The following FRMD4A variants were observed in gnomAD, a reference collection of about 807,000 sequenced individuals.
The protein encoded by FRMD4A is FERM domain containing 4A.
Under a neutral mutation model 129.1 loss-of-function variants are expected in FRMD4A, and 29 were observed. That is an observed-to-expected ratio of 0.22 (90% confidence interval 0.17 to 0.31). The LOEUF (loss-of-function observed/expected upper bound fraction) is 0.31. Among genes scored for constraint, FRMD4A ranks in the 10% least tolerant of loss-of-function variants. The pLI is 1.00. For synonymous variants in FRMD4A, 634 were observed against 571.6 expected (o/e 1.11, Z -1.56); for missense variants, 1,272 against 1,375.8 (o/e 0.92, Z 1.19).
chr10:13,767,967 G>A (rs1228610732), intron 6 of FRMD4A, among the ~76,000 whole-genome samples: 1 of 152,134 alleles, frequency 6.6e-6, no homozygotes, highest in East Asian at 1.9e-4. Context: ...GGTGACTGTG[G>A]CCACTGGGTG....
chr10:13,771,644 C>G (rs1220690724), intron 6 of FRMD4A, among the ~76,000 whole-genome samples: 2 of 152,164 alleles, frequency 1.3e-5, no homozygotes, highest in South Asian at 4.1e-4. Context: ...AATGCTGGTA[C>G]CAACTTCTCC....
chr10:13,717,345 G>C (rs1336131845), intron 12 of FRMD4A, among the ~76,000 whole-genome samples: 1 of 152,056 alleles, frequency 6.6e-6, no homozygotes, highest in African/African-American at 2.4e-5. Flanking sequence ...ATGGAGTCTT[G>C]CTCTGTTGCC....
intron 2 of FRMD4A, chr10:14,008,051 G>A (rs2095668210): frequency 4.6e-6 from 6 of 1,299,906 alleles, no homozygotes; most frequent in South Asian, 2.5e-5. Context: ...AACCCGCCAC[G>A]TAGCTTACCC....
chr10:14,182,800 G>A (rs1841956294), intron 2 of FRMD4A, among the ~76,000 whole-genome samples: 2 of 152,188 alleles, frequency 1.3e-5, no homozygotes, highest in South Asian at 4.1e-4. Flanking sequence ...AAGGATTAGA[G>A]GTAACAATCA....
At chr10:14,125,535 A>G (rs1268496005) in intron 2 of FRMD4A, among the ~76,000 whole-genome samples, 2 of 152,200 alleles carry the variant, frequency 1.3e-5, no homozygotes, top group Non-Finnish European at 2.9e-5. Flanking sequence ...AAGAAGAGGA[A>G]CAATCTGGGT....
At position 13,645,927 on chromosome 10, in the gene FRMD4A, A is replaced by C. The variant is rs867315868; in HGVS notation, c.*1111T>G. 1 of 152,620 alleles carries C rather than the reference A, an allele frequency of 6.6e-6. No individual in the cohort carries two copies. The highest frequency in any genetic ancestry group is 2.4e-5 in the African/African-American group (1 of 41,450). The allele number at this position is 152,620 out of a possible 1,614,324, so 9.5% of individuals were successfully genotyped here. A position where few individuals can be genotyped will look rare whatever the true frequency, so the allele number is the denominator to read the frequency against. ...AGGATACGCTTTTACTGGTTGGTTT[A>C]ATGAGAGAGAACCACTTTTGGCCAT... is the stretch of plus-strand genomic sequence containing the variant. On this transcript the variant is annotated 3_prime_UTR_variant, in exon 25 of 25. Coordinates refer to ENST00000357447, the MANE Select transcript of FRMD4A (RefSeq NM_018027.5).
intron 12 of FRMD4A, among the ~76,000 whole-genome samples, chr10:13,715,905 C>A (rs1167161623): frequency 5.7e-4 from 71 of 125,438 alleles, no homozygotes; most frequent in South Asian, 1.3e-3. Flanking sequence ...ACTCCCCCCT[C>A]AAAAAAAAAA....
chr10:13,769,568 C>T (rs2092393403), intron 6 of FRMD4A, among the ~76,000 whole-genome samples: 2 of 151,970 alleles, frequency 1.3e-5, no homozygotes, highest in South Asian at 2.1e-4. Flanking sequence ...CCTCGGCCTC[C>T]CAAAGTGCTG....
At position 14,304,788 on chromosome 10, in the gene FRMD4A, T is replaced by G. The variant is rs561827211; in HGVS notation, c.45+25270A>C. Among the ~76,000 whole-genome samples, 3 of 152,232 alleles carry G rather than the reference T, an allele frequency of 2.0e-5. No individual in the cohort carries two copies. In the East Asian group the frequency reaches 5.8e-4, roughly 29 times the overall value. The stretch of plus-strand genomic sequence containing the variant: ...CATATTACAAATGCCAAATCAGAAG[T>G]GCTGGAGAATGAATGGCCCCAGAAC... On this transcript the variant is annotated intron_variant, in intron 2 of 24. Transcript: ENST00000357447.
chr10:14,109,102 C>T (rs921240206), intron 2 of FRMD4A, among the ~76,000 whole-genome samples: 1 of 151,708 alleles, frequency 6.6e-6, no homozygotes, highest in African/African-American at 2.4e-5. Flanking sequence ...GTTGAAGAGC[C>T]CAAGAGATTC....
At chr10:13,891,685 C>A (rs1044521438) in intron 2 of FRMD4A, 42 of 985,130 alleles carry the variant, frequency 4.3e-5, no homozygotes, top group Non-Finnish European at 9.6e-6. Context: ...GCTGGTACCC[C>A]GGAACGGGCG....
At chr10:14,277,050 A>C (rs1449034196) in intron 2 of FRMD4A, among the ~76,000 whole-genome samples, 1 of 152,108 alleles carries the variant, frequency 6.6e-6, no homozygotes. Flanking sequence ...TATTTTGTAG[A>C]GACGGGGTTT....
chr10:13,937,274 A>G (rs894048921), intron 2 of FRMD4A, among the ~76,000 whole-genome samples: 1 of 152,234 alleles, frequency 6.6e-6, no homozygotes, highest in Non-Finnish European at 1.5e-5. Context: ...CTCTCTGATT[A>G]CAGTGGTGCT....
intron 3 of FRMD4A, among the ~76,000 whole-genome samples, chr10:13,840,436 A>T (rs2093944775): frequency 6.6e-6 from 1 of 152,178 alleles, no homozygotes; most frequent in Admixed American, 6.5e-5. Context: ...TGTTTAAGCC[A>T]CCCAGTCTAT....
chr10:14,243,034 GTCTA>G (rs560085618), intron 2 of FRMD4A, among the ~76,000 whole-genome samples: 12 of 129,748 alleles, frequency 9.2e-5, no homozygotes, highest in African/African-American at 3.1e-4. Context: ...GCATCTGTCT[GTCTA>G]TCTATCTGTC....
intron 3 of FRMD4A, among the ~76,000 whole-genome samples, chr10:13,831,247 C>T (rs1027237976): frequency 2.0e-5 from 3 of 152,160 alleles, no homozygotes; most frequent in Non-Finnish European, 4.4e-5. Context: ...TCAACTTTAC[C>T]GGTCTTCATC....
rs1554858826 is a variant in FRMD4A, at chr10:13,714,012, C to CATATATA, written c.760-6906_760-6900dup. On this transcript the variant is annotated intron_variant, in intron 12 of 24. Transcript: ENST00000357447. ...ATATATAATATACATATATAATATA[C>CATATATA]ATATATAAAATATACATATATATAT... 4.9e-3 allele frequency among the ~76,000 whole-genome samples: 23 copies of CATATATA among 4,708 alleles called. 5 individuals carry two copies. The highest frequency in any genetic ancestry group is 0.012 in the Admixed American group (3 of 256). 3.1% of individuals were successfully genotyped at this position (4,708 alleles called of 152,430 possible).
At chr10:14,301,407 C>T (rs909456625) in intron 2 of FRMD4A, among the ~76,000 whole-genome samples, 4 of 152,102 alleles carry the variant, frequency 2.6e-5, no homozygotes, top group African/African-American at 9.7e-5. Flanking sequence ...GGGGACTGTC[C>T]CCTTAAACTC....
chr10:14,003,764 T>C (rs753329783), intron 2 of FRMD4A, among the ~76,000 whole-genome samples: 1 of 152,208 alleles, frequency 6.6e-6, no homozygotes, highest in Non-Finnish European at 1.5e-5. Flanking sequence ...CATAAAAGGT[T>C]CACTCACTCA....
Sources: allele counts gnomAD v4.1 joint callset (sites outside exome capture counted in the v4.1 genomes callset), GRCh38; gene constraint gnomAD v4.1.1; transcripts MANE v1.5; gene names NCBI Gene and HGNC (gene_info 2026-07-23, HGNC 2026-07-21).